ADIPOR2: variants seen among roughly 807,000 people sequenced by gnomAD.
The protein encoded by ADIPOR2 is adiponectin receptor 2, also known as adiponectin receptor protein 2.
ADIPOR2 carries 18 observed loss-of-function variants against 40.9 expected under a neutral mutation model. The observed-to-expected ratio is 0.44, with a 90% CI of 0.30 to 0.65. ADIPOR2 has a LOEUF of 0.65. Ranked by LOEUF, ADIPOR2 falls within the 30% of genes least tolerant of loss-of-function variation. The pLI is 0.09. For synonymous variants in ADIPOR2, 165 were observed against 166.4 expected, an observed-to-expected ratio of 0.99 and a Z score of 0.06; for missense variants, 283 against 479.2, an observed-to-expected ratio of 0.59 and a Z score of 3.82.
At chr12:1,697,748 T>G (rs2094642216) in intron 1 of ADIPOR2, 1 of 152,496 alleles carries the variant, frequency 6.6e-6, no homozygotes, top group East Asian at 1.9e-4. Context: ...CTTTGTAAAA[T>G]GTTATTAGAT....
chr12:1,749,434 A>G (rs1295154194), intron 1 of ADIPOR2, among the ~76,000 whole-genome samples: 3 of 152,234 alleles, frequency 2.0e-5, no homozygotes, highest in African/African-American at 4.8e-5. Context: ...CATTATAATG[A>G]AAGACTGGAA....
chr12:1,768,127 T>C (rs1245002759), intron 2 of ADIPOR2, among the ~76,000 whole-genome samples: 2 of 152,216 alleles, frequency 1.3e-5, no homozygotes, highest in Non-Finnish European at 2.9e-5. Context: ...CAGATTTTAA[T>C]CAAAGGTTTA....
intron 1 of ADIPOR2, among the ~76,000 whole-genome samples, chr12:1,692,035 C>T (rs2094628155): frequency 6.7e-6 from 1 of 149,956 alleles, no homozygotes; most frequent in African/African-American, 2.4e-5. Context: ...TTTTTTGACT[C>T]TGGGTTTCTG....
intron 1 of ADIPOR2, among the ~76,000 whole-genome samples, chr12:1,699,053 T>C (rs1356334429): frequency 6.6e-6 from 1 of 152,198 alleles, no homozygotes; most frequent in East Asian, 1.9e-4. Flanking sequence ...TTACATTCTC[T>C]GCTTGGCTCT....
At chr12:1,698,637 T>A (rs1484499088) in intron 1 of ADIPOR2, among the ~76,000 whole-genome samples, 1 of 152,250 alleles carries the variant, frequency 6.6e-6, no homozygotes, top group Non-Finnish European at 1.5e-5. Context: ...TATAACTTAA[T>A]ACTGCTCTTA....
At chr12:1,720,914 A>C (rs1221596300) in intron 1 of ADIPOR2, among the ~76,000 whole-genome samples, 1 of 152,188 alleles carries the variant, frequency 6.6e-6, no homozygotes, top group African/African-American at 2.4e-5. Context: ...TGAGATAGAT[A>C]CATATCTGAT....
rs189107556 is a variant in ADIPOR2 at position 1,767,466 on chromosome 12, A to G, written c.172-5376A>G. On this transcript the variant is annotated intron_variant, in intron 2 of 7. Coordinates refer to ENST00000357103, the MANE Select transcript of ADIPOR2 (RefSeq NM_024551.3). Reference sequence around the variant, plus strand: ...GGAGAATACTGGGTATACATCCATCAATACTTATTCTTCAGCTATCATTTT... The same window carrying G: ...GGAGAATACTGGGTATACATCCATCGATACTTATTCTTCAGCTATCATTTT... Among the ~76,000 whole-genome samples, 8 of 151,856 alleles carry G rather than the reference A, an allele frequency of 5.3e-5. No homozygotes were observed. The East Asian group carries it at 5.8e-4, about 11-fold the overall frequency.
At chr12:1,706,030 A>G (rs1195339751) in intron 1 of ADIPOR2, among the ~76,000 whole-genome samples, 2 of 152,178 alleles carry the variant, frequency 1.3e-5, no homozygotes, top group Non-Finnish European at 2.9e-5. Flanking sequence ...GCCTTGTTCA[A>G]AGTTGTCTTC....
At chr12:1,718,480 A>G (rs2154442022) in intron 1 of ADIPOR2, among the ~76,000 whole-genome samples, 1 of 152,220 alleles carries the variant, frequency 6.6e-6, no homozygotes, top group East Asian at 1.9e-4. Context: ...TGAGGACTTC[A>G]AAAAATTTTT....
chr12:1,768,226 G>C (rs985707979), intron 2 of ADIPOR2, among the ~76,000 whole-genome samples: 9 of 152,158 alleles, frequency 5.9e-5, no homozygotes, highest in African/African-American at 2.2e-4. Flanking sequence ...GAGTCTTTGT[G>C]GCACTTCTTG....
intron 1 of ADIPOR2, among the ~76,000 whole-genome samples, chr12:1,721,278 C>T (rs1399890827): frequency 8.3e-6 from 1 of 120,062 alleles, no homozygotes; most frequent in African/African-American, 3.2e-5. Context: ...TGCAGTGGCA[C>T]GATCTCGGCT....
At chr12:1,721,046 G>T (rs2094696849) in intron 1 of ADIPOR2, among the ~76,000 whole-genome samples, 1 of 151,920 alleles carries the variant, frequency 6.6e-6, no homozygotes, top group Non-Finnish European at 1.5e-5. Context: ...TGCCTTTCCA[G>T]ACCAAACCAA....
intron 1 of ADIPOR2, among the ~76,000 whole-genome samples, chr12:1,731,560 A>T (rs1413800457): frequency 1.3e-5 from 2 of 152,200 alleles, no homozygotes; most frequent in African/African-American, 4.8e-5. Context: ...TTCTGACGCT[A>T]TCAGTTTGCC....
intron 1 of ADIPOR2, among the ~76,000 whole-genome samples, chr12:1,704,379 A>G (rs2094657729): frequency 1.3e-5 from 2 of 152,236 alleles, no homozygotes; most frequent in South Asian, 2.1e-4. Context: ...TTCTCTTACT[A>G]TTTAAATGGA....
rs1270971121 is a variant in ADIPOR2 at position 1,787,412 on chromosome 12, A to G, written c.*1340A>G. 1 of 152,230 alleles carries G rather than the reference A, an allele frequency of 6.6e-6. No homozygotes were observed. The highest frequency in any genetic ancestry group is 2.4e-5 in the African/African-American group (1 of 41,448). The allele number at this position is 152,230 out of a possible 1,614,324, so 9.4% of individuals were successfully genotyped here. On this transcript the variant is annotated 3_prime_UTR_variant, in exon 8 of 8. Coordinates refer to ENST00000357103, the MANE Select transcript of ADIPOR2 (RefSeq NM_024551.3). Reference sequence around the variant, plus strand: ...CCAGTTGTAGTACGGAGTTGTCAGCACTCACTGAACCTCACTTTACAGGGA... The same window carrying G: ...CCAGTTGTAGTACGGAGTTGTCAGCGCTCACTGAACCTCACTTTACAGGGA...
intron 1 of ADIPOR2, among the ~76,000 whole-genome samples, chr12:1,699,600 G>A (rs938898059): frequency 3.3e-5 from 5 of 152,194 alleles, no homozygotes; most frequent in South Asian, 2.1e-4. Context: ...GCGGTGAGCC[G>A]AGATAGCACC....
intron 1 of ADIPOR2, among the ~76,000 whole-genome samples, chr12:1,710,693 A>G: frequency 6.6e-6 from 1 of 151,962 alleles, no homozygotes; most frequent in East Asian, 1.9e-4. Context: ...AGGGTTGACA[A>G]GAGGGGAAAG....
At chr12:1,738,209 CAAA>C (rs56395738) in intron 1 of ADIPOR2, among the ~76,000 whole-genome samples, 8 of 85,580 alleles carry the variant, frequency 9.3e-5, no homozygotes, top group African/African-American at 2.2e-4. Context: ...CCTGTCTCTA[CAAA>C]AAAAAAAAAA....
At chr12:1,734,079 G>C (rs61618677) in intron 1 of ADIPOR2, among the ~76,000 whole-genome samples, 3 of 151,918 alleles carry the variant, frequency 2.0e-5, no homozygotes, top group South Asian at 2.1e-4. Context: ...ATACGTTTGC[G>C]TGTGTCTTTA....
Sources: allele counts gnomAD v4.1 joint callset (sites outside exome capture counted in the v4.1 genomes callset), GRCh38; gene constraint gnomAD v4.1.1; transcripts MANE v1.5; gene names NCBI Gene and HGNC (gene_info 2026-07-23, HGNC 2026-07-21).